Variants in MYO3B observed in about 807,000 individuals in gnomAD.
The protein encoded by MYO3B is myosin-IIIb.
In MYO3B, 156 loss-of-function variants were observed where a neutral mutation model predicts 174.6. The ratio of observed to expected loss-of-function variants is 0.89; its 90% CI spans 0.78 to 1.02. The LOEUF (loss-of-function observed/expected upper bound fraction) is 1.02. Among genes scored for constraint, MYO3B ranks in the 50% least tolerant of loss-of-function variants. The pLI is 0.00. For missense variants in MYO3B, 1,632 were observed against 1,639.4 expected (o/e 1.00, Z 0.08); for synonymous variants, 563 against 569.1 (o/e 0.99, Z 0.15).
chr2:170,615,725 G>A (rs1293670426), intron 32 of MYO3B, among the ~76,000 whole-genome samples: 1 of 152,174 alleles, frequency 6.6e-6, no homozygotes, highest in African/African-American at 2.4e-5. Flanking sequence ...AGGTGTATTG[G>A]CAGGTTGAGA....
At chr2:170,497,560 G>C (rs1686950747) in intron 25 of MYO3B, among the ~76,000 whole-genome samples, 1 of 152,050 alleles carries the variant, frequency 6.6e-6, no homozygotes, top group Non-Finnish European at 1.5e-5. Context: ...AGAGCTTGCA[G>C]TGAGCTGAGA....
intron 18 of MYO3B, among the ~76,000 whole-genome samples, chr2:170,402,304 G>A (rs2094482619): frequency 1.3e-5 from 2 of 152,188 alleles, no homozygotes; most frequent in Non-Finnish European, 2.9e-5. Context: ...TTTCTCACCT[G>A]TAAAATGAGG....
chr2:170,393,717 T>C (rs923479679), intron 16 of MYO3B, among the ~76,000 whole-genome samples: 1 of 152,190 alleles, frequency 6.6e-6, no homozygotes, highest in African/African-American at 2.4e-5. Flanking sequence ...CCCTGCATGG[T>C]TGATTTTAAT....
At chr2:170,623,306 C>T (rs1696097473) in intron 32 of MYO3B, among the ~76,000 whole-genome samples, 1 of 152,152 alleles carries the variant, frequency 6.6e-6, no homozygotes. Context: ...TTTTGATTTG[C>T]ATTTCTCTGA....
chr2:170,653,142 A>G lies in MYO3B; in HGVS notation c.*21A>G. 6.2e-7 allele frequency: 1 copy of G among 1,613,662 alleles called. No individual in the cohort carries two copies. Among genetic ancestry groups the G allele is most frequent in the Non-Finnish European group, 8.5e-7 (1 of 1,179,704 alleles). ...ATTAAATTGTGCTTCCTAACCCTAAATCTGTCCAGAGTAGGAACATTCATG... is the reference window on the plus strand; with the variant it reads ...ATTAAATTGTGCTTCCTAACCCTAAGTCTGTCCAGAGTAGGAACATTCATG... On this transcript the variant is annotated 3_prime_UTR_variant, in exon 35 of 35. Transcript: ENST00000408978.
intron 30 of MYO3B, among the ~76,000 whole-genome samples, chr2:170,537,074 G>T (rs992524878): frequency 6.6e-6 from 1 of 151,774 alleles, no homozygotes; most frequent in Non-Finnish European, 1.5e-5. Context: ...GGTGGTGGGC[G>T]CTTGTAATCC....
intron 7 of MYO3B, among the ~76,000 whole-genome samples, chr2:170,304,119 T>C (rs1489058534): frequency 1.3e-5 from 2 of 152,200 alleles, no homozygotes; most frequent in East Asian, 3.8e-4. Flanking sequence ...TCTATGTATT[T>C]GGTGTGAGAA....
chr2:170,207,245 GA>G (rs372192231), intron 3 of MYO3B, among the ~76,000 whole-genome samples: 1 of 152,202 alleles, frequency 6.6e-6, no homozygotes, highest in Non-Finnish European at 1.5e-5. Flanking sequence ...CCAGTTAGGG[GA>G]AAACAGTCAG....
At position 170,222,117 on chromosome 2, in the gene MYO3B, A is replaced by C. The variant is rs115344568; in HGVS notation, c.603+4722A>C. 1.9e-3 allele frequency among the ~76,000 whole-genome samples: 290 copies of C among 152,240 alleles called. 2 individuals carry two copies. Among genetic ancestry groups the C allele is most frequent in the African/African-American group, 6.7e-3 (279 of 41,552 alleles). Reference sequence around the variant, plus strand: ...GAGTCATGAAAACTTCCGATTTTTAAATCTCCCTGGCTATGACTGCTGCAA... The same window carrying C: ...GAGTCATGAAAACTTCCGATTTTTACATCTCCCTGGCTATGACTGCTGCAA... On this transcript the variant is annotated intron_variant, in intron 6 of 34. Transcript: ENST00000408978.
chr2:170,198,993 A>G (rs2092631070), intron 1 of MYO3B, among the ~76,000 whole-genome samples: 1 of 152,024 alleles, frequency 6.6e-6, no homozygotes, highest in South Asian at 2.1e-4. Flanking sequence ...TGTTTTTAGG[A>G]TGTTTCAGAG....
At chr2:170,200,057 T>C in intron 2 of MYO3B, 93 bp from the exon 3 acceptor site, 1 of 1,224,926 alleles carries the variant, frequency 8.2e-7, no homozygotes, top group Non-Finnish European at 1.1e-6. Flanking sequence ...ACATAGTACA[T>C]ATGTTTTACT....
At chr2:170,569,103 T>A (rs961062854) in intron 32 of MYO3B, among the ~76,000 whole-genome samples, 1 of 139,938 alleles carries the variant, frequency 7.1e-6, no homozygotes, top group Admixed American at 7.2e-5. Context: ...AATAAATTTA[T>A]AAAATTGCGA....
At chr2:170,338,074 C>T (rs1213736176) in intron 8 of MYO3B, 1 of 152,170 alleles carries the variant, frequency 6.6e-6, no homozygotes, top group Non-Finnish European at 1.5e-5. Context: ...TATGGCAAAT[C>T]CTATTATATG....
intron 7 of MYO3B, among the ~76,000 whole-genome samples, chr2:170,298,246 A>G (rs1392584749): frequency 6.6e-6 from 1 of 152,050 alleles, no homozygotes; most frequent in Non-Finnish European, 1.5e-5. Flanking sequence ...AATGGGGAGG[A>G]GAGTTTGAGG....
intron 30 of MYO3B, among the ~76,000 whole-genome samples, chr2:170,534,031 G>A (rs754041015): frequency 9.2e-5 from 14 of 152,200 alleles, no homozygotes; most frequent in Admixed American, 2.6e-4. Flanking sequence ...GTCCCGTTAA[G>A]TATTTGAAAA....
chr2:170,414,172 C>T (rs1172205898), intron 22 of MYO3B, among the ~76,000 whole-genome samples: 4 of 152,162 alleles, frequency 2.6e-5, no homozygotes, highest in Non-Finnish European at 5.9e-5. Context: ...ACCAATACCA[C>T]ACTATTGCAG....
chr2:170,652,274 C>T (rs957369050), intron 34 of MYO3B, 120 bp downstream of exon 34: 2 of 776,704 alleles, frequency 2.6e-6, no homozygotes, highest in Non-Finnish European at 4.2e-6. Context: ...GATATTGCCA[C>T]TCTTATTGAC....
chr2:170,452,503 A>G (rs1373311994), intron 23 of MYO3B, among the ~76,000 whole-genome samples: 2 of 152,202 alleles, frequency 1.3e-5, no homozygotes, highest in Non-Finnish European at 2.9e-5. Flanking sequence ...CCTTTTAAGT[A>G]TGTATAGCTT....
intron 7 of MYO3B, among the ~76,000 whole-genome samples, chr2:170,290,587 G>T (rs1343986129): frequency 6.6e-6 from 1 of 152,030 alleles, no homozygotes; most frequent in African/African-American, 2.4e-5. Context: ...TGTGAAGTAG[G>T]TTTCTTCAAG....
Sources: allele counts gnomAD v4.1 joint callset (sites outside exome capture counted in the v4.1 genomes callset), GRCh38; gene constraint gnomAD v4.1.1; transcripts MANE v1.5; gene names NCBI Gene and HGNC (gene_info 2026-07-23, HGNC 2026-07-21).